FRMD4A: variants seen among roughly 807,000 people sequenced by gnomAD.
FRMD4A encodes the protein FERM domain containing 4A, also known as FERM domain-containing protein 4A.
Under a neutral mutation model 129.1 loss-of-function variants are expected in FRMD4A, and 29 were observed. The observed-to-expected ratio is 0.22, with a 90% CI of 0.17 to 0.31. FRMD4A has a LOEUF of 0.31. Ranked by LOEUF, FRMD4A falls within the 10% of genes least tolerant of loss-of-function variation. The probability of loss-of-function intolerance (pLI) is 1.00; values close to 1 mark genes in which losing one functional copy is unlikely to be tolerated. For missense variants in FRMD4A, 1,272 were observed against 1,375.8 expected (o/e 0.92, Z 1.19); for synonymous variants, 634 against 571.6 (o/e 1.11, Z -1.56).
chr10:14,315,295 C>T (rs1846697967), intron 2 of FRMD4A, among the ~76,000 whole-genome samples: 3 of 152,156 alleles, frequency 2.0e-5, no homozygotes, highest in Non-Finnish European at 4.4e-5. Flanking sequence ...ACCACAGCTA[C>T]ATACCTCCAC....
At position 13,942,244 on chromosome 10, in the gene FRMD4A, C is replaced by T. The variant is rs143128320; in HGVS notation, c.46-83332G>A. Among the ~76,000 whole-genome samples, 7 of 152,218 alleles carry T rather than the reference C, an allele frequency of 4.6e-5. No individual in the cohort carries two copies. The South Asian group carries it at 6.2e-4, about 14-fold the overall frequency. On this transcript the variant is annotated intron_variant, in intron 2 of 24. Coordinates refer to ENST00000357447, the MANE Select transcript of FRMD4A (RefSeq NM_018027.5). ...AAGCCTCATTAAAGGCACTAATGAG[C>T]GCTCCCTTTCATCGCAGGCACTGTC... is the stretch of plus-strand genomic sequence containing the variant.
intron 2 of FRMD4A, among the ~76,000 whole-genome samples, chr10:14,171,454 T>G (rs1479039335): frequency 6.6e-6 from 1 of 152,222 alleles, no homozygotes; most frequent in Non-Finnish European, 1.5e-5. Flanking sequence ...CTAACTGTGA[T>G]TAGGGGAGGC....
At position 13,646,124 on chromosome 10, in the gene FRMD4A, C is replaced by T. The variant is rs901722384; in HGVS notation, c.*914G>A. 2.0e-5 allele frequency: 3 copies of T among 152,566 alleles called. No individual in the cohort carries two copies. The highest frequency in any genetic ancestry group is 4.8e-5 in the African/African-American group (2 of 41,414). The allele number at this position is 152,566 out of a possible 1,614,324, so 9.5% of individuals were successfully genotyped here. ...TCAGCAACGCCAGCCAAGACTTCCT[C>T]GCCTTTACCGTGGCATTGGGGCAGT... On this transcript the variant is annotated 3_prime_UTR_variant, in exon 25 of 25. Coordinates refer to ENST00000357447, the MANE Select transcript of FRMD4A (RefSeq NM_018027.5).
chr10:13,666,412 C>A, intron 17 of FRMD4A, 87 bp from the exon 18 acceptor site: 2 of 894,510 alleles, frequency 2.2e-6, no homozygotes, highest in South Asian at 1.5e-5. Context: ...CAAGGCAAGT[C>A]CAGTTCCATG....
chr10:13,788,975 C>T (rs889411877), intron 5 of FRMD4A, among the ~76,000 whole-genome samples: 3 of 152,208 alleles, frequency 2.0e-5, no homozygotes, highest in African/African-American at 7.2e-5. Flanking sequence ...CAGCCCTGGG[C>T]ACTTGGGAAT....
intron 2 of FRMD4A, among the ~76,000 whole-genome samples, chr10:13,866,755 C>T (rs535808589): frequency 1.3e-5 from 2 of 152,268 alleles, no homozygotes; most frequent in Non-Finnish European, 2.9e-5. Flanking sequence ...AGGTCAAGAT[C>T]AGCTTGGCCA....
chr10:14,075,462 A>G (rs369543568), intron 2 of FRMD4A, among the ~76,000 whole-genome samples: 112 of 152,310 alleles, frequency 7.4e-4, no homozygotes, highest in Non-Finnish European at 1.4e-3. Context: ...GGGCACTAGG[A>G]ACAGGGACAG....
At chr10:14,000,668 A>AAAAAAAAAAAAAG (rs1555009702) in intron 2 of FRMD4A, among the ~76,000 whole-genome samples, 1 of 74,518 alleles carries the variant, frequency 1.3e-5, no homozygotes, top group African/African-American at 3.1e-5. Context: ...AAAAAAAAAA[A>AAAAAAAAAAAAAG]GAGAAGAAAG....
chr10:13,951,312 T>C (rs1327383349), intron 2 of FRMD4A, among the ~76,000 whole-genome samples: 1 of 151,808 alleles, frequency 6.6e-6, no homozygotes, highest in Admixed American at 6.6e-5. Flanking sequence ...TGATGGCTAG[T>C]AGGGAAGGAA....
At chr10:13,844,150 T>C (rs950152218) in intron 3 of FRMD4A, among the ~76,000 whole-genome samples, 9 of 152,138 alleles carry the variant, frequency 5.9e-5, no homozygotes, top group Admixed American at 4.6e-4. Flanking sequence ...TGTATGTGTG[T>C]ACATGAGTAT....
chr10:13,790,944 G>C (rs1008902272), intron 5 of FRMD4A, among the ~76,000 whole-genome samples: 1 of 151,950 alleles, frequency 6.6e-6, no homozygotes, highest in Non-Finnish European at 1.5e-5. Context: ...GAGAGGAAAG[G>C]CTCGAGGGAG....
intron 2 of FRMD4A, among the ~76,000 whole-genome samples, chr10:13,986,495 T>A: frequency 1.2e-5 from 1 of 86,690 alleles, no homozygotes; most frequent in African/African-American, 4.6e-5. Flanking sequence ...TGGGAACTGT[T>A]GTGGGGTGGG....
chr10:14,227,926 T>C (rs757618276), intron 2 of FRMD4A, among the ~76,000 whole-genome samples: 22 of 152,064 alleles, frequency 1.4e-4, no homozygotes, highest in Non-Finnish European at 3.1e-4. Context: ...CAGGCTGGAG[T>C]GCAGTGGTGC....
chr10:13,685,798 G>A (rs1308694276), intron 15 of FRMD4A: 1 of 176,190 alleles, frequency 5.7e-6, no homozygotes, highest in African/African-American at 2.4e-5. Flanking sequence ...GCGAGACCCT[G>A]TCTCAAAAAA....
intron 2 of FRMD4A, among the ~76,000 whole-genome samples, chr10:14,164,205 A>T (rs1841050306): frequency 1.3e-5 from 2 of 152,208 alleles, no homozygotes; most frequent in South Asian, 4.1e-4. Flanking sequence ...CTGAGGCATG[A>T]GTTTTCATCC....
At chr10:13,660,029 T>G (rs2082510201) in intron 20 of FRMD4A, among the ~76,000 whole-genome samples, 1 of 152,250 alleles carries the variant, frequency 6.6e-6, no homozygotes, top group South Asian at 2.1e-4. Flanking sequence ...AGAATAGCGC[T>G]GCCTGAGATT....
intron 2 of FRMD4A, among the ~76,000 whole-genome samples, chr10:13,988,807 T>C (rs74934872): frequency 0.022 from 3,392 of 152,222 alleles, 134 homozygotes; most frequent in African/African-American, 0.077. Context: ...CCTACCTACC[T>C]ACCTGAAACA....
At chr10:14,141,972 G>A (rs934129230) in intron 2 of FRMD4A, among the ~76,000 whole-genome samples, 2 of 152,162 alleles carry the variant, frequency 1.3e-5, no homozygotes, top group Admixed American at 1.3e-4. Flanking sequence ...ATCCGAAAAT[G>A]TGTATTTGCT....
At position 13,915,391 on chromosome 10, in the gene FRMD4A, G is replaced by T. The variant is rs370576767; in HGVS notation, c.46-56479C>A. Among the ~76,000 whole-genome samples the T allele has an allele frequency of 1.1e-4, 16 of 152,200 alleles. No homozygotes were observed. The South Asian group carries it at 3.3e-3, about 32-fold the overall frequency. ...GTCAGGAAGCGGGGCTTAAAAGTGA[G>T]GCTGGGCTCGGTGGCTCACGCCTGT... On this transcript the variant is annotated intron_variant, in intron 2 of 24. Coordinates refer to ENST00000357447, the MANE Select transcript of FRMD4A (RefSeq NM_018027.5).
Sources: allele counts gnomAD v4.1 joint callset (sites outside exome capture counted in the v4.1 genomes callset), GRCh38; gene constraint gnomAD v4.1.1; transcripts MANE v1.5; gene names NCBI Gene and HGNC (gene_info 2026-07-23, HGNC 2026-07-21).